VCAN: variants seen among roughly 807,000 people sequenced by gnomAD.
VCAN encodes versican core protein.
A neutral mutation model predicts 245.5 loss-of-function variants in VCAN; 44 were observed. That is an observed-to-expected ratio of 0.18 (90% confidence interval 0.14 to 0.23). VCAN has a LOEUF of 0.23. Ranked by LOEUF, VCAN falls within the 10% of genes least tolerant of loss-of-function variation. VCAN has a pLI of 1.00. For synonymous variants in VCAN, 1,413 were observed against 1,437.0 expected (o/e 0.98, Z 0.38); for missense variants, 3,793 against 4,057.9 (o/e 0.93, Z 1.77).
Position 83,537,101 on chromosome 5 carries a change from T to A in VCAN, c.4098T>A (p.Asp1366Glu). Reference protein sequence around the residue: ...PCSEETDPVHDLMAEILPEFP... With the variant: ...PCSEETDPVHELMAEILPEFP... ...GTGAAGAAACAGATCCAGTGCATGA[T>A]CTAATGGCTGAAATTTTACCTGAAT... The change falls in exon 8 of 15, where the codon GAT becomes GAA. Residue 1366 changes from aspartate to glutamate, a missense_variant. Physicochemically the swap from Asp to Glu is conservative, Grantham distance 45. This residue lies in a region of VCAN where 3,182 missense variants were observed against 3,250.3 expected (regional missense o/e 0.98). Transcript: ENST00000265077. 6.2e-7 allele frequency: 1 copy of A among 1,613,830 alleles called. No individual in the cohort carries two copies. The highest frequency in any genetic ancestry group is 1.1e-5 in the South Asian group (1 of 91,082).
At chr5:83,522,552 A>G (rs1006529591) in intron 7 of VCAN, among the ~76,000 whole-genome samples, 3 of 152,260 alleles carry the variant, frequency 2.0e-5, no homozygotes, top group Non-Finnish European at 4.4e-5. Flanking sequence ...GTCATCTAAT[A>G]TAACCAAATC....
chr5:83,541,942 C>T lies in VCAN; in HGVS notation c.8939C>T (p.Ala2980Val). 1 of 1,614,096 alleles carries T rather than the reference C, an allele frequency of 6.2e-7. No individual in the cohort carries two copies. The highest frequency in any genetic ancestry group is 2.2e-5 in the East Asian group (1 of 44,842). The change falls in exon 8 of 15, where the codon GCT becomes GTT. Residue 2980 changes from alanine (A) to valine (V), a missense_variant. Physicochemically the swap from Ala to Val is moderately conservative, Grantham distance 64. Coordinates refer to ENST00000265077, the MANE Select transcript of VCAN (RefSeq NM_004385.5). ...ACACAGTGGCCACACTCTACTTCTGCTTCTGCCACCTATGGGGTCGAGGCA... is the reference window on the plus strand; with the variant it reads ...ACACAGTGGCCACACTCTACTTCTGTTTCTGCCACCTATGGGGTCGAGGCA... ...GATQWPHSTS[A>V]SATYGVEAGV... is the part of the protein sequence containing the mutation.
In VCAN at chr5:83,483,594, T is replaced by A; in HGVS notation, c.70+6T>A. On this transcript the variant is annotated splice_donor_region_variant and intron_variant, in intron 2 of 14. Transcript: ENST00000265077. ...AACCCATGCGCTACATAAAGGTGAG[T>A]GTGCTAACAATTTCTTTGGTGTTAA... 1 of 1,612,462 alleles carries A rather than the reference T, an allele frequency of 6.2e-7. No individual in the cohort carries two copies. Among genetic ancestry groups the A allele is most frequent in the Non-Finnish European group, 8.5e-7 (1 of 1,178,750 alleles).
intron 13 of VCAN, among the ~76,000 whole-genome samples, chr5:83,577,171 C>T (rs752512719): frequency 1.1e-4 from 17 of 151,976 alleles, no homozygotes; most frequent in Admixed American, 7.2e-4. Context: ...CAAATTAATC[C>T]GCCTGGGGGA....
intron 5 of VCAN, 54 bp from the exon 6 acceptor site, chr5:83,512,049 G>C: frequency 6.2e-7 from 1 of 1,609,286 alleles, no homozygotes; most frequent in Non-Finnish European, 8.5e-7. Flanking sequence ...TTATCCAACA[G>C]GAAAGGAATG....
intron 9 of VCAN, among the ~76,000 whole-genome samples, chr5:83,546,221 T>TTAAA (rs1276552446): frequency 6.7e-6 from 1 of 149,810 alleles, no homozygotes; most frequent in African/African-American, 2.5e-5. Flanking sequence ...ATATTCTTAT[T>TTAAA]TAGGCATCCT....
chr5:83,551,141 G>T (rs1324667961), intron 10 of VCAN, among the ~76,000 whole-genome samples: 1 of 151,882 alleles, frequency 6.6e-6, no homozygotes, highest in Non-Finnish European at 1.5e-5. Flanking sequence ...GTAGTGAAGT[G>T]GTCACATATC....
In VCAN at chr5:83,522,009, C is replaced by G. The variant is rs2112413256; in HGVS notation, c.3703C>G (p.Leu1235Val). The G allele has an allele frequency of 6.2e-7, 1 of 1,614,188 alleles. No individual in the cohort carries two copies. The change falls in exon 7 of 15, where the codon CTC becomes GTC. Residue 1235 changes from leucine to valine, a missense_variant. By Grantham distance (32) the Leu-to-Val change is conservative (BLOSUM62 1). Coordinates refer to ENST00000265077, the MANE Select transcript of VCAN (RefSeq NM_004385.5). ...TTCCGCGATCACTAAGAAACCACCT[C>G]TCATCGACAGGGAACCTGGTGAAGA... ...PSSAITKKPP[L>V]IDREPGEETT...
At chr5:83,497,988 C>T (rs1271042247) in intron 5 of VCAN, among the ~76,000 whole-genome samples, 1 of 152,164 alleles carries the variant, frequency 6.6e-6, no homozygotes, top group East Asian at 1.9e-4. Flanking sequence ...AGTCTTGTCC[C>T]CAGACCTGAC....
intron 5 of VCAN, 75 bp downstream of exon 5, chr5:83,494,006 A>G: frequency 1.2e-6 from 2 of 1,607,938 alleles, no homozygotes; most frequent in Non-Finnish European, 1.7e-6. Flanking sequence ...ATTGGAATAG[A>G]GCAAGTCTTC....
chr5:83,493,241 G>A (rs1200042923), intron 3 of VCAN, among the ~76,000 whole-genome samples: 1 of 152,170 alleles, frequency 6.6e-6, no homozygotes, highest in Admixed American at 6.5e-5. Context: ...TCCCATGATT[G>A]CGTGAATACT....
At chr5:83,572,739 C>A (rs1051366433) in intron 13 of VCAN, among the ~76,000 whole-genome samples, 179 bp downstream of exon 13, 1 of 152,040 alleles carries the variant, frequency 6.6e-6, no homozygotes, top group Non-Finnish European at 1.5e-5. Context: ...TTGTTTTCAA[C>A]AATGTTCTCA....
Position 83,490,285 on chromosome 5 carries a change from C to G in VCAN, c.258C>G (p.Ala86=). ...TGAAAGAGACTACTGTCCTTGTGGC[C>G]CAAAATGGAAATATCAAGATTGGTC... is the stretch of plus-strand genomic sequence containing the variant. ...KDLKETTVLV[A]QNGNIKIGQD... Residue 86 remains alanine, a synonymous_variant, in exon 3 of 15, where the codon GCC becomes GCG. Coordinates refer to ENST00000265077, the MANE Select transcript of VCAN (RefSeq NM_004385.5). 1 of 1,614,110 alleles carries G rather than the reference C, an allele frequency of 6.2e-7. No individual in the cohort carries two copies. Among genetic ancestry groups the G allele is most frequent in the Non-Finnish European group, 8.5e-7 (1 of 1,180,016 alleles).
intron 7 of VCAN, among the ~76,000 whole-genome samples, chr5:83,527,092 C>G (rs1214421852): frequency 6.6e-6 from 1 of 152,168 alleles, no homozygotes; most frequent in Admixed American, 6.5e-5. Context: ...TAGGTACTGC[C>G]CTGTCTGTCA....
At position 83,539,278 on chromosome 5, in the gene VCAN, T is replaced by C. The variant is rs750685287; in HGVS notation, c.6275T>C (p.Ile2092Thr). Residue 2092 changes from isoleucine (I) to threonine (T), a missense_variant, in exon 8 of 15, where the codon ATA (isoleucine) becomes ACA (threonine). Transcript: ENST00000265077. ...GTVSTNFPQT[I>T]EPAKLWSRQE... ...GTTTCAACAAACTTTCCCCAAACTA[T>C]AGAGCCAGCCAAATTATGGTCTAGG... 1.2e-6 allele frequency: 2 copies of C among 1,613,902 alleles called. No individual in the cohort carries two copies. Among genetic ancestry groups the C allele is most frequent in the Admixed American group, 3.3e-5 (2 of 59,948 alleles).
chr5:83,499,972 T>G (rs1182126418), intron 5 of VCAN, among the ~76,000 whole-genome samples: 1 of 152,186 alleles, frequency 6.6e-6, no homozygotes, highest in African/African-American at 2.4e-5. Context: ...GCAGGGTTAG[T>G]TCTAGCTTTT....
chr5:83,556,615 G>A (rs1747675954), intron 12 of VCAN, among the ~76,000 whole-genome samples: 1 of 152,128 alleles, frequency 6.6e-6, no homozygotes, highest in Non-Finnish European at 1.5e-5. Context: ...CTGGCTGGAT[G>A]TATTGGATCT....
intron 8 of VCAN, among the ~76,000 whole-genome samples, chr5:83,544,068 A>C (rs1747105585): frequency 6.6e-6 from 1 of 152,244 alleles, no homozygotes; most frequent in Admixed American, 6.5e-5. Flanking sequence ...TTTGTGTGGC[A>C]CATCACAGTC....
rs781048743 is a variant in VCAN at position 83,539,379 on chromosome 5, T to C, written c.6376T>C (p.Phe2126Leu). Residue 2126 changes from phenylalanine to leucine, a missense_variant, in exon 8 of 15, where the codon TTT (phenylalanine) becomes CTT (leucine). Transcript: ENST00000265077. ...SEEQIQEEKS[F>L]ESPQNSPATE... is the part of the protein sequence containing the mutation. Reference sequence around the variant, plus strand: ...GGAACAAATTCAAGAAGAAAAGTCATTTGAATCCCCTCAAAACTCTCCTGC... The same window carrying C: ...GGAACAAATTCAAGAAGAAAAGTCACTTGAATCCCCTCAAAACTCTCCTGC... 4.3e-6 allele frequency: 7 copies of C among 1,613,954 alleles called. No individual in the cohort carries two copies. Among genetic ancestry groups the C allele is most frequent in the Non-Finnish European group, 5.9e-6 (7 of 1,180,000 alleles).
Sources: allele counts gnomAD v4.1 joint callset (sites outside exome capture counted in the v4.1 genomes callset), GRCh38; gene constraint gnomAD v4.1.1; regional missense constraint gnomAD v4.1.1; transcripts MANE v1.5; gene names NCBI Gene and HGNC (gene_info 2026-07-23, HGNC 2026-07-21).